FABP12: variants seen among roughly 807,000 people sequenced by gnomAD.
FABP12 encodes fatty acid binding protein 12, also known as fatty acid-binding protein 12.
In FABP12, 19 loss-of-function variants were observed where a neutral mutation model predicts 13.7. The ratio of observed to expected loss-of-function variants is 1.39; its 90% CI spans 0.97 to 2.04. The LOEUF (loss-of-function observed/expected upper bound fraction) is 2.04. FABP12 is among the 30% of genes most tolerant of loss of function. The pLI, the probability that FABP12 is intolerant of heterozygous loss-of-function variation, is 0.00. For missense variants in FABP12, 182 were observed against 164.2 expected (o/e 1.11, Z -0.59); for synonymous variants, 61 against 57.0 (o/e 1.07, Z -0.32).
chr8:81,585,894 G>C (rs1036752896), intron 1 of FABP12, among the ~76,000 whole-genome samples: 3 of 152,012 alleles, frequency 2.0e-5, no homozygotes, highest in Admixed American at 2.0e-4. Context: ...TGTTACGTGG[G>C]TAAATTACAT....
chr8:81,562,596 C>A (rs1163591412), intron 1 of FABP12, among the ~76,000 whole-genome samples: 1 of 152,132 alleles, frequency 6.6e-6, no homozygotes, highest in Admixed American at 6.5e-5. Flanking sequence ...GACTGAAGAG[C>A]CCTTGGGCCT....
chr8:81,559,705 C>T (rs368320671), intron 1 of FABP12, among the ~76,000 whole-genome samples: 3 of 152,334 alleles, frequency 2.0e-5, no homozygotes, highest in Non-Finnish European at 1.5e-5. Context: ...GTGTCTGATG[C>T]TCTGTTCCTA....
chr8:81,527,625 G>A (rs943475909), intron 3 of FABP12, among the ~76,000 whole-genome samples: 1 of 152,154 alleles, frequency 6.6e-6, no homozygotes, highest in Non-Finnish European at 1.5e-5. Flanking sequence ...GCCTCCCAAA[G>A]CACTGGGATT....
At chr8:81,547,258 G>A (rs1352995825) in intron 1 of FABP12, among the ~76,000 whole-genome samples, 1 of 152,216 alleles carries the variant, frequency 6.6e-6, no homozygotes, top group East Asian at 1.9e-4. Flanking sequence ...ACCGGCAAAT[G>A]TGGAGTTCAC....
rs374133627 is a variant in FABP12 at position 81,531,264 on chromosome 8, C to A, written c.52G>T (p.Glu18Ter). The change falls in exon 2 of 5, where the codon GAA becomes TAA. Residue 18 changes from glutamate to a stop codon, truncating the protein, a stop_gained. Coordinates refer to ENST00000360464, the Ensembl canonical transcript of FABP12. LOFTEE classifies it high-confidence loss of function. ...TCACCCAGCTCCTTCATGTAGTCTTCGGAATTTTCACAAGAAATGGACTTC... is the reference window on the plus strand; with the variant it reads ...TCACCCAGCTCCTTCATGTAGTCTTAGGAATTTTCACAAGAAATGGACTTC... 3 of 1,606,764 alleles carry A rather than the reference C, an allele frequency of 1.9e-6. No individual in the cohort carries two copies. In the African/African-American group the frequency reaches 4.0e-5, roughly 21 times the overall value.
At chr8:81,553,341 C>T (rs1809552858) in intron 1 of FABP12, among the ~76,000 whole-genome samples, 1 of 152,156 alleles carries the variant, frequency 6.6e-6, no homozygotes, top group Non-Finnish European at 1.5e-5. Flanking sequence ...ATCACTTCTT[C>T]ATTTGCTACC....
chr8:81,548,548 A>G (rs540686880), intron 1 of FABP12, among the ~76,000 whole-genome samples: 1 of 152,302 alleles, frequency 6.6e-6, no homozygotes, highest in East Asian at 1.9e-4. Context: ...CTTTGACTAA[A>G]GAAATGTTTC....
chr8:81,542,418 A>C (rs990707669), intron 1 of FABP12, among the ~76,000 whole-genome samples: 2 of 152,276 alleles, frequency 1.3e-5, no homozygotes, highest in Middle Eastern at 3.4e-3. Flanking sequence ...GGACCATGGC[A>C]CAGGGATTTT....
intron 1 of FABP12, among the ~76,000 whole-genome samples, chr8:81,578,005 AC>A (rs2130094091): frequency 6.6e-6 from 1 of 152,294 alleles, no homozygotes; most frequent in South Asian, 2.1e-4. Flanking sequence ...ATCCCAATAG[AC>A]CCATGGAAGG....
chr8:81,563,327 C>A (rs151099646), intron 1 of FABP12, among the ~76,000 whole-genome samples: 2 of 152,188 alleles, frequency 1.3e-5, no homozygotes, highest in African/African-American at 2.4e-5. Flanking sequence ...TGGGTACAAA[C>A]AAGCCCAGAT....
chr8:81,547,314 C>A (rs1017187324), intron 1 of FABP12, among the ~76,000 whole-genome samples: 1 of 152,222 alleles, frequency 6.6e-6, no homozygotes, highest in African/African-American at 2.4e-5. Flanking sequence ...AAAGTGTGCT[C>A]CTCTCTTCAT....
At chr8:81,536,006 G>C (rs548231133), upstream of FABP12, among the ~76,000 whole-genome samples, 1 of 151,988 alleles carries the variant, frequency 6.6e-6, no homozygotes, top group Middle Eastern at 3.2e-3. Context: ...AACCCCTTTC[G>C]GGTCAAACAC....
intron 1 of FABP12, among the ~76,000 whole-genome samples, chr8:81,540,529 T>G (rs1397602051): frequency 6.6e-6 from 1 of 152,176 alleles, no homozygotes; most frequent in African/African-American, 2.4e-5. Flanking sequence ...AAGACAAAAT[T>G]GAGGGATATT....
chr8:81,533,221 G>A (rs1809126753), intron 1 of FABP12: 1 of 152,254 alleles, frequency 6.6e-6, no homozygotes, highest in African/African-American at 2.4e-5. Flanking sequence ...CCGTTCATGT[G>A]TCAGTCACAT....
chr8:81,566,602 T>G (rs1450590372), intron 1 of FABP12, among the ~76,000 whole-genome samples: 3 of 151,922 alleles, frequency 2.0e-5, no homozygotes, highest in Non-Finnish European at 4.4e-5. Flanking sequence ...AAAAATCATT[T>G]AATAAAATTC....
At chr8:81,567,439 T>C (rs369806771) in intron 1 of FABP12, among the ~76,000 whole-genome samples, 6 of 152,068 alleles carry the variant, frequency 3.9e-5, no homozygotes, top group African/African-American at 1.4e-4. Context: ...CCAAAACAGA[T>C]GGCATTGACA....
intron 1 of FABP12, among the ~76,000 whole-genome samples, chr8:81,563,440 T>C (rs1186752350): frequency 6.6e-6 from 1 of 152,118 alleles, no homozygotes; most frequent in Non-Finnish European, 1.5e-5. Flanking sequence ...CCAAATGAAC[T>C]AAATAAGGTA....
chr8:81,529,518 T>C, exon 3 of FABP12: 1 of 1,613,976 alleles, frequency 6.2e-7, no homozygotes, highest in Non-Finnish European at 8.5e-7. Flanking sequence ...TTAAAGATGC[T>C]TTTGGTTTTT....
intron 1 of FABP12, among the ~76,000 whole-genome samples, chr8:81,540,887 G>A (rs1809324746): frequency 6.6e-6 from 1 of 152,074 alleles, no homozygotes; most frequent in Non-Finnish European, 1.5e-5. Flanking sequence ...ACAAATCAAG[G>A]CCAGGCACGG....
Sources: allele counts gnomAD v4.1 joint callset (sites outside exome capture counted in the v4.1 genomes callset), GRCh38; gene constraint gnomAD v4.1.1; transcripts MANE v1.5; gene names NCBI Gene and HGNC (gene_info 2026-07-23, HGNC 2026-07-21).